Variants in EIF4G1 observed in about 807,000 individuals in gnomAD.
EIF4G1 encodes the protein eukaryotic translation initiation factor 4 gamma 1.
EIF4G1 carries 4 observed loss-of-function variants against 187.8 expected under a neutral mutation model. The observed-to-expected ratio is 0.02, with a 90% CI of 0.01 to 0.05. The LOEUF (loss-of-function observed/expected upper bound fraction) is 0.05. Among genes scored for constraint, EIF4G1 ranks in the 10% least tolerant of loss-of-function variants. The pLI is 1.00. For synonymous variants in EIF4G1, 844 were observed against 781.4 expected, an observed-to-expected ratio of 1.08 and a Z score of -1.34; for missense variants, 1,647 against 2,081.1, an observed-to-expected ratio of 0.79 and a Z score of 4.06.
Position 184,321,760 on chromosome 3 carries a change from G to A in EIF4G1, c.1176G>A (p.Val392=), listed in dbSNP as rs1303985012. Residue 392 remains valine (V), a synonymous_variant, in exon 10 of 33, where the codon GTG becomes GTA. Transcript: ENST00000346169. ...CAGCTTGCCCCTCCGAATCCCCTGT[G>A]CCCATTGCTCCAACTGCCCAACCTG... is the stretch of plus-strand genomic sequence containing the variant. ...PPPACPSESP[V]PIAPTAQPEE... 8 of 1,607,642 alleles carry A rather than the reference G, an allele frequency of 5.0e-6. No homozygotes were observed. Among genetic ancestry groups the A allele is most frequent in the African/African-American group, 1.3e-5 (1 of 74,762 alleles).
intron 2 of EIF4G1, 64 bp from the exon 3 acceptor site, chr3:184,315,699 C>G: frequency 7.8e-7 from 1 of 1,273,930 alleles, no homozygotes; most frequent in Non-Finnish European, 1.1e-6. Flanking sequence ...TCAACCCTTT[C>G]ACCGCCCCAT....
intron 6 of EIF4G1, 130 bp from the exon 7 acceptor site, chr3:184,319,559 C>T: frequency 2.8e-6 from 2 of 702,892 alleles, no homozygotes; most frequent in Non-Finnish European, 5.3e-6. Flanking sequence ...GGGAGGAGGG[C>T]AGGGCAGGGC....
At chr3:184,315,895 G>C in intron 3 of EIF4G1, 39 bp downstream of exon 3, 2 of 1,532,850 alleles carry the variant, frequency 1.3e-6, no homozygotes, top group African/African-American at 1.4e-5. Flanking sequence ...GGGTGGGGGA[G>C]ACCAGGCAGT....
intron 28 of EIF4G1, 68 bp from the exon 29 acceptor site, chr3:184,331,198 G>A (rs1346763999): frequency 2.6e-6 from 4 of 1,510,738 alleles, no homozygotes; most frequent in African/African-American, 1.4e-5. Context: ...TTGGATTAAT[G>A]TGGTAGAGCT....
chr3:184,321,087 G>T (rs953890048), intron 9 of EIF4G1, 94 bp downstream of exon 9: 3 of 1,520,028 alleles, frequency 2.0e-6, no homozygotes, highest in Non-Finnish European at 2.7e-6. Context: ...GGGTACCAGA[G>T]AATGATGACT....
Position 184,325,838 on chromosome 3 carries a change from CT to C in EIF4G1, c.3122-8del. The stretch of plus-strand genomic sequence containing the variant: ...TTATTCATTATTCCAGTATGCCCCT[CT>C]TTTTGTGTCAGGCCGTGGACTTCCC... On this transcript the variant is annotated splice_polypyrimidine_tract_variant and intron_variant, in intron 20 of 32. Coordinates refer to ENST00000346169, the MANE Select transcript of EIF4G1 (RefSeq NM_198241.3). The surrounding 1 kb of genome is among the most constrained non-coding windows in gnomAD (Gnocchi z 5.2). 1 of 1,614,090 alleles carries C rather than the reference CT, an allele frequency of 6.2e-7. No homozygotes were observed. The highest frequency in any genetic ancestry group is 8.5e-7 in the Non-Finnish European group (1 of 1,180,016).
chr3:184,316,344 C>T (rs1722775721), intron 4 of EIF4G1, 126 bp downstream of exon 4: 12 of 1,239,276 alleles, frequency 9.7e-6, no homozygotes, highest in African/African-American at 3.0e-5. Context: ...TTCTTTCATG[C>T]GGCTCTGCGC....
At chr3:184,331,202 T>G in intron 28 of EIF4G1, 64 bp from the exon 29 acceptor site, 1 of 1,534,104 alleles carries the variant, frequency 6.5e-7, no homozygotes, top group East Asian at 2.3e-5. Flanking sequence ...ATTAATGTGG[T>G]AGAGCTGTTG....
In EIF4G1 at chr3:184,321,829, A is replaced by C; in HGVS notation, c.1245A>C (p.Leu415Phe). The C allele has an allele frequency of 1.2e-6, 2 of 1,614,108 alleles. No individual in the cohort carries two copies. The highest frequency in any genetic ancestry group is 1.7e-6 in the Non-Finnish European group (2 of 1,180,014). The change falls in exon 10 of 33, where the codon TTA (leucine) becomes TTC (phenylalanine). Residue 415 changes from leucine to phenylalanine, a missense_variant. Leu to Phe is a conservative substitution (Grantham distance 22). Transcript: ENST00000346169. ...CCCCCTCGCCACCAGCTGTGGACTT[A>C]AGCCCAGTCAGTGAGCCAGAGGAGC... ...NGAPSPPAVD[L>F]SPVSEPEEQA...
rs1560220329 is a variant in EIF4G1, at chr3:184,325,125, T to A, written c.2856+11T>A. 1.9e-6 allele frequency: 3 copies of A among 1,613,608 alleles called. No homozygotes were observed. Among genetic ancestry groups the A allele is most frequent in the East Asian group, 2.2e-5 (1 of 44,866 alleles). ...TTTGAAAAAGCCAAGGTAGAGGTCC[T>A]TGCATCTGGAGGGGGATGGGCTGAA... is the stretch of plus-strand genomic sequence containing the variant. On this transcript the variant is annotated intron_variant, in intron 18 of 32. Coordinates refer to ENST00000346169, the MANE Select transcript of EIF4G1 (RefSeq NM_198241.3). The surrounding 1 kb of genome is among the most constrained non-coding windows in gnomAD (Gnocchi z 5.2).
At chr3:184,324,003 T>A (rs779605222) in intron 16 of EIF4G1, 26 bp downstream of exon 16, 52 of 1,612,982 alleles carry the variant, frequency 3.2e-5, no homozygotes, top group Non-Finnish European at 4.3e-5. Flanking sequence ...GTTCTAAATC[T>A]AATGGTCTGG....
rs759750384 is a variant in EIF4G1, at chr3:184,321,917, G to T, written c.1333G>T (p.Ala445Ser). 1.2e-6 allele frequency: 2 copies of T among 1,614,184 alleles called. No homozygotes were observed. The highest frequency in any genetic ancestry group is 1.7e-6 in the Non-Finnish European group (2 of 1,180,034). ...PTIPSATPATAPSATSPAQEE... is the reference protein window; with the variant it reads ...PTIPSATPATSPSATSPAQEE... ...CATCCCCTCTGCTACTCCAGCTACG[G>T]CTCCTTCAGCTACTTCCCCAGCTCA... The change falls in exon 10 of 33, where the codon GCT becomes TCT. Residue 445 changes from alanine (A) to serine (S), a missense_variant. Ala to Ser is a moderately conservative substitution (Grantham distance 99). This residue lies in a region of EIF4G1 where 522 missense variants were observed against 485.2 expected (regional missense o/e 1.08). Transcript: ENST00000346169.
chr3:184,317,287 T>C (rs1722971513), intron 4 of EIF4G1, 34 bp from the exon 5 acceptor site: 1 of 1,612,926 alleles, frequency 6.2e-7, no homozygotes, highest in Non-Finnish European at 8.5e-7. Context: ...TTCCTTCTCT[T>C]TACAATGCCA....
In EIF4G1 at chr3:184,320,749, C is replaced by G. The variant is rs530694966; in HGVS notation, c.630+27C>G. 6 of 1,614,182 alleles carry G rather than the reference C, an allele frequency of 3.7e-6. No homozygotes were observed. The East Asian group carries it at 1.3e-4, about 36-fold the overall frequency. On this transcript the variant is annotated intron_variant, in intron 8 of 32. Coordinates refer to ENST00000346169, the MANE Select transcript of EIF4G1 (RefSeq NM_198241.3). ...TACTGTCTGCTTTTCGAGTGATACC[C>G]TGGCTGGGATGTCTGTTCTGCCCTG...
Position 184,331,988 on chromosome 3 carries a change from G to A in EIF4G1, c.4520G>A (p.Arg1507Gln). ...GTGGACGTTGCAGTGCTGAAAGCGC[G>A]AGCGAAGCTGCTGCAGAAATACCTG... ...LRVDVAVLKA[R>Q]AKLLQKYLCD... Residue 1507 changes from arginine (R) to glutamine (Q), a missense_variant, in exon 32 of 33, where the codon CGA becomes CAA. Arg to Gln is a conservative substitution (Grantham distance 43). Transcript: ENST00000346169. The A allele has an allele frequency of 1.2e-6, 2 of 1,614,158 alleles. No individual in the cohort carries two copies. The highest frequency in any genetic ancestry group is 8.5e-7 in the Non-Finnish European group (1 of 1,180,036).
At chr3:184,332,830 G>GGTTGC (rs777595554) in intron 32 of EIF4G1, among the ~76,000 whole-genome samples, 5 of 152,214 alleles carry the variant, frequency 3.3e-5, no homozygotes, top group Non-Finnish European at 5.9e-5. Context: ...CCAGTCCTAA[G>GGTTGC]TGAGGCAAGA....
rs1387681710 is a variant in EIF4G1, at chr3:184,325,938, C to A, written c.3209C>A (p.Thr1070Asn). 2.5e-6 allele frequency: 4 copies of A among 1,613,988 alleles called. No individual in the cohort carries two copies. Among genetic ancestry groups the A allele is most frequent in the Non-Finnish European group, 2.5e-6 (3 of 1,180,006 alleles). The change falls in exon 21 of 33, where the codon ACC becomes AAC. Residue 1070 changes from threonine to asparagine, a missense_variant. Physicochemically the swap from Thr to Asn is moderately conservative, Grantham distance 65 (BLOSUM62 0). This residue lies in a region of EIF4G1 where 142 missense variants were observed against 296.6 expected (regional missense o/e 0.48). Coordinates refer to ENST00000346169, the MANE Select transcript of EIF4G1 (RefSeq NM_198241.3). This position sits in a 1 kb window ranked among gnomAD's most constrained non-coding sequence, Gnocchi z 5.2. Reference protein sequence around the residue: ...GSRPIDTSRLTKITKPGSIDS... With the variant: ...GSRPIDTSRLNKITKPGSIDS... The stretch of plus-strand genomic sequence containing the variant: ...CGCCCCATTGACACCTCACGACTCA[C>A]CAAGATCACCAAGGTAGGGGTGTGT...
In EIF4G1 at chr3:184,328,700, G is replaced by A. The variant is rs762740314; in HGVS notation, c.4023G>A (p.Ala1341=). 1.8e-5 allele frequency: 29 copies of A among 1,614,034 alleles called. No homozygotes were observed. The East Asian group carries it at 2.7e-4, about 15-fold the overall frequency. ...IDIPHVWLYL[A]ELVTPILQEG... ...TCCCCCACGTGTGGCTCTACCTAGCGGAACTGGTAACACCCATTCTGCAGG... is the reference window on the plus strand; with the variant it reads ...TCCCCCACGTGTGGCTCTACCTAGCAGAACTGGTAACACCCATTCTGCAGG... Residue 1341 remains alanine (A), a synonymous_variant, in exon 27 of 33, where the codon GCG becomes GCA. Coordinates refer to ENST00000346169, the MANE Select transcript of EIF4G1 (RefSeq NM_198241.3).
intron 32 of EIF4G1, among the ~76,000 whole-genome samples, chr3:184,333,475 C>T (rs746716748): frequency 6.6e-6 from 1 of 152,100 alleles, no homozygotes; most frequent in Non-Finnish European, 1.5e-5. Context: ...GTAGAGCGGA[C>T]ATACTGGTAG....
Sources: gnomAD v4.1 joint callset for allele counts (sites outside exome capture counted in the v4.1 genomes callset) on GRCh38, gnomAD v4.1.1 for gene constraint, gnomAD v4.1.1 regional missense constraint, Gnocchi (gnomAD v3.1) non-coding constraint, MANE v1.5 for transcripts, NCBI Gene and HGNC (gene_info 2026-07-23, HGNC 2026-07-21) for gene names.